ARPP21: variants seen among roughly 807,000 people sequenced by gnomAD.
ARPP21 encodes the protein cAMP regulated phosphoprotein 21.
In ARPP21, 69 loss-of-function variants were observed where a neutral mutation model predicts 113.2. That is an observed-to-expected ratio of 0.61 (90% CI 0.50 to 0.74). The LOEUF is 0.74. Among genes scored for constraint, ARPP21 ranks in the 30% least tolerant of loss-of-function variants. ARPP21 has a pLI of 0.00. For synonymous variants in ARPP21, 368 were observed against 375.5 expected (o/e 0.98, Z 0.23); for missense variants, 1,070 against 1,037.4 (o/e 1.03, Z -0.43).
chr3:35,789,901 T>C (rs751015567), intron 19 of ARPP21, among the ~76,000 whole-genome samples: 1 of 152,240 alleles, frequency 6.6e-6, no homozygotes, highest in Non-Finnish European at 1.5e-5. Context: ...TAGAAGATGG[T>C]GTGTTAAGTG....
intron 19 of ARPP21, among the ~76,000 whole-genome samples, chr3:35,758,442 G>C (rs541631124): frequency 7.2e-5 from 11 of 151,978 alleles, no homozygotes; most frequent in African/African-American, 2.7e-4. Context: ...TCTGTCAAGG[G>C]CTTTTGTCTT....
intron 4 of ARPP21, among the ~76,000 whole-genome samples, chr3:35,683,372 TCTC>T (rs1398265161): frequency 2.0e-5 from 3 of 151,786 alleles, no homozygotes; most frequent in African/African-American, 7.2e-5. Context: ...CTCAGTCAAA[TCTC>T]CTGCAAACTT....
intron 19 of ARPP21, among the ~76,000 whole-genome samples, chr3:35,749,667 T>TG (rs2095329104): frequency 6.6e-6 from 1 of 152,082 alleles, no homozygotes; most frequent in South Asian, 2.1e-4. Flanking sequence ...ACCCTAGAGA[T>TG]TTTCAGAAAC....
chr3:35,688,661 A>G (rs2081313032), intron 6 of ARPP21, among the ~76,000 whole-genome samples: 1 of 151,640 alleles, frequency 6.6e-6, no homozygotes, highest in Non-Finnish European at 1.5e-5. Context: ...CGCCTCTAAC[A>G]GTTATGTGTT....
chr3:35,770,913 G>A (rs968887576), intron 19 of ARPP21, among the ~76,000 whole-genome samples: 8 of 152,146 alleles, frequency 5.3e-5, no homozygotes, highest in Non-Finnish European at 1.2e-4. Context: ...TCAATAAGGA[G>A]GATCCAGGAT....
intron 19 of ARPP21, among the ~76,000 whole-genome samples, chr3:35,763,370 G>A (rs2095848195): frequency 6.6e-6 from 1 of 152,048 alleles, no homozygotes. Flanking sequence ...GTGAATTGAA[G>A]TCCCGTGAGG....
chr3:35,697,439 T>C (rs2084507136), intron 9 of ARPP21, among the ~76,000 whole-genome samples: 1 of 151,640 alleles, frequency 6.6e-6, no homozygotes. Context: ...GGCAGTTTGT[T>C]TGTTGTATGT....
chr3:35,763,351 T>C (rs1417060662), intron 19 of ARPP21, among the ~76,000 whole-genome samples: 2 of 152,240 alleles, frequency 1.3e-5, no homozygotes, highest in Non-Finnish European at 2.9e-5. Flanking sequence ...TTAGAGTTAA[T>C]GTCATATTGT....
chr3:35,661,169 C>T (rs1017696392), intron 1 of ARPP21, among the ~76,000 whole-genome samples: 2 of 152,104 alleles, frequency 1.3e-5, no homozygotes, highest in African/African-American at 4.8e-5. Context: ...ACTGGACCCT[C>T]CAGGAGAGCG....
At chr3:35,705,239 A>G (rs1243094188) in intron 9 of ARPP21, among the ~76,000 whole-genome samples, 1 of 152,134 alleles carries the variant, frequency 6.6e-6, no homozygotes, top group Non-Finnish European at 1.5e-5. Flanking sequence ...AAATGTTGGA[A>G]TGCTTAAAAA....
chr3:35,726,139 C>T (rs1430581888), intron 14 of ARPP21, among the ~76,000 whole-genome samples: 1 of 152,202 alleles, frequency 6.6e-6, no homozygotes, highest in African/African-American at 2.4e-5. Flanking sequence ...GTCACATATG[C>T]ATACTGTATA....
intron 14 of ARPP21, among the ~76,000 whole-genome samples, chr3:35,726,168 C>A (rs918473088): frequency 6.6e-6 from 1 of 152,200 alleles, no homozygotes; most frequent in Admixed American, 6.5e-5. Flanking sequence ...TCATGGTTAT[C>A]ATTAAACCTC....
chr3:35,741,469 T>C (rs961376124), intron 18 of ARPP21, among the ~76,000 whole-genome samples: 1 of 152,154 alleles, frequency 6.6e-6, no homozygotes, highest in Admixed American at 6.5e-5. Flanking sequence ...CCCACAAATA[T>C]GTGGAAATAT....
Position 35,674,847 on chromosome 3 carries a change from C to T in ARPP21, c.-212-4940C>T, listed in dbSNP as rs75742637. On this transcript the variant is annotated intron_variant, in intron 1 of 20. Coordinates refer to ENST00000684406, the MANE Select transcript of ARPP21 (RefSeq NM_001385562.1). ...CATTTCTGTGCAGTATTTGTAGGCT[C>T]GTTCACAAGGAGAAAAGATAGCGGT... Among the ~76,000 whole-genome samples the T allele has an allele frequency of 4.3e-3, 652 of 151,940 alleles. 6 individuals are homozygous for T. Among genetic ancestry groups the T allele is most frequent in the African/African-American group, 0.015 (614 of 41,498 alleles).
At chr3:35,665,695 T>A (rs1319311147) in intron 1 of ARPP21, among the ~76,000 whole-genome samples, 1 of 152,192 alleles carries the variant, frequency 6.6e-6, no homozygotes, top group Non-Finnish European at 1.5e-5. Context: ...GAAACCATCC[T>A]CATTTTCAAA....
rs2096797710 is a variant in ARPP21 at position 35,794,217 on chromosome 3, T to G, written c.*259T>G. On this transcript the variant is annotated 3_prime_UTR_variant, in exon 21 of 21. Coordinates refer to ENST00000684406, the MANE Select transcript of ARPP21 (RefSeq NM_001385562.1). ...TCAAGGTAAGATTTTCTCCTACCAC[T>G]GAATACCACTGTGTAGATTATAATA... The G allele has an allele frequency of 1.9e-6, 1 of 530,724 alleles. No homozygotes were observed. Among genetic ancestry groups the G allele is most frequent in the Admixed American group, 3.2e-5 (1 of 31,524 alleles). 32.9% of individuals were successfully genotyped at this position (530,724 alleles called of 1,614,324 possible). A position where few individuals can be genotyped will look rare whatever the true frequency, so the allele number is the denominator to read the frequency against.
At chr3:35,775,079 C>T (rs2151596688) in intron 19 of ARPP21, 1 of 152,094 alleles carries the variant, frequency 6.6e-6, no homozygotes, top group East Asian at 1.9e-4. Context: ...TTCTATCCCA[C>T]CCCACTCCCC....
chr3:35,723,194 T>C (rs1426926624), intron 14 of ARPP21, among the ~76,000 whole-genome samples: 1 of 152,146 alleles, frequency 6.6e-6, no homozygotes, highest in Admixed American at 6.5e-5. Context: ...CCCTGGACTG[T>C]GGATATTTTC....
intron 1 of ARPP21, among the ~76,000 whole-genome samples, 180 bp downstream of exon 1, chr3:35,640,578 C>T (rs1288950227): frequency 6.6e-6 from 1 of 152,000 alleles, no homozygotes; most frequent in African/African-American, 2.4e-5. Context: ...TATGTTTCGT[C>T]AAGGAGGGAT....
Sources: gnomAD v4.1 joint callset for allele counts (sites outside exome capture counted in the v4.1 genomes callset) on GRCh38, gnomAD v4.1.1 for gene constraint, MANE v1.5 for transcripts, NCBI Gene and HGNC (gene_info 2026-07-23, HGNC 2026-07-21) for gene names.